The following ZNF480 variants were observed in gnomAD, a reference collection of about 807,000 sequenced individuals.
The protein encoded by ZNF480 is zinc finger protein 480.
In ZNF480, 15 loss-of-function variants were observed where a neutral mutation model predicts 14.4. The ratio of observed to expected loss-of-function variants is 1.04; its 90% CI spans 0.70 to 1.60. The LOEUF is 1.60. Among genes scored for constraint, ZNF480 ranks in the 40% most tolerant of loss-of-function variants. The probability of loss-of-function intolerance (pLI) is 0.00; values close to 1 mark genes in which losing one functional copy is unlikely to be tolerated. For synonymous variants in ZNF480, 218 were observed against 215.5 expected, an observed-to-expected ratio of 1.01 and a Z score of -0.10; for missense variants, 593 against 629.7, an observed-to-expected ratio of 0.94 and a Z score of 0.62.
chr19:52,322,412 C>T lies in ZNF480; in HGVS notation c.1162C>T (p.Gln388Ter). 1 of 1,613,690 alleles carries T rather than the reference C, an allele frequency of 6.2e-7. No homozygotes were observed. Among genetic ancestry groups the T allele is most frequent in the Non-Finnish European group, 8.5e-7 (1 of 1,179,942 alleles). Reference protein sequence around the residue: ...KVFIQNSHLAQHWRIHTGEKP... With the variant: ...KVFIQNSHLA ...CTTTATTCAAAATTCGCACCTAGCACAACATTGGAGAATTCATACAGGAGA... is the reference window on the plus strand; with the variant it reads ...CTTTATTCAAAATTCGCACCTAGCATAACATTGGAGAATTCATACAGGAGA... Residue 388 changes from glutamine (Q) to a stop codon, truncating the protein, a stop_gained, in exon 5 of 5, where the codon CAA (glutamine) becomes TAA (stop). Coordinates refer to ENST00000595962, the MANE Select transcript of ZNF480 (RefSeq NM_144684.4). LOFTEE classifies it low-confidence loss of function (END_TRUNC).
intron 2 of ZNF480, chr19:52,313,745 T>C: frequency 2.4e-6 from 1 of 418,350 alleles, no homozygotes; most frequent in South Asian, 1.7e-5. Flanking sequence ...ATCCCAGCAC[T>C]TAGGGAGGCT....
intron 2 of ZNF480, among the ~76,000 whole-genome samples, chr19:52,312,193 G>A (rs1983318400): frequency 6.6e-6 from 1 of 150,400 alleles, no homozygotes; most frequent in Admixed American, 6.6e-5. Context: ...TCACCAGGCT[G>A]GAGTGCAGTG....
At chr19:52,305,195 A>G (rs1285523505) in intron 2 of ZNF480, among the ~76,000 whole-genome samples, 1 of 152,208 alleles carries the variant, frequency 6.6e-6, no homozygotes, top group African/African-American at 2.4e-5. Context: ...CTGCTTTGAT[A>G]TACTTTAGGG....
intron 4 of ZNF480, among the ~76,000 whole-genome samples, chr19:52,320,956 G>T (rs534309873): frequency 9.2e-5 from 14 of 152,268 alleles, no homozygotes; most frequent in Admixed American, 7.8e-4. Context: ...CAGCCTGGAC[G>T]ATAGAGTGAG....
At chr19:52,308,730 C>G (rs969953942) in intron 2 of ZNF480, 1 of 152,034 alleles carries the variant, frequency 6.6e-6, no homozygotes, top group Non-Finnish European at 1.5e-5. Flanking sequence ...GACCGATTTT[C>G]CTTTGGGGAG....
intron 4 of ZNF480, among the ~76,000 whole-genome samples, chr19:52,320,989 A>G (rs1458500830): frequency 6.6e-6 from 1 of 152,120 alleles, no homozygotes; most frequent in Non-Finnish European, 1.5e-5. Context: ...ATAAATAAAT[A>G]AATAAATATT....
At chr19:52,303,481 C>G (rs538102039) in intron 2 of ZNF480, among the ~76,000 whole-genome samples, 147 of 152,264 alleles carry the variant, frequency 9.7e-4, no homozygotes, top group African/African-American at 3.5e-3. Context: ...TTCTCCCATT[C>G]CCTATCAGAG....
intron 2 of ZNF480, 150 bp from the exon 3 acceptor site, chr19:52,314,003 A>T: frequency 1.2e-6 from 1 of 866,216 alleles, no homozygotes; most frequent in Non-Finnish European, 1.7e-6. Flanking sequence ...AAACACATTT[A>T]CAGACACATA....
intron 2 of ZNF480, among the ~76,000 whole-genome samples, chr19:52,309,847 C>T (rs1983184320): frequency 1.3e-5 from 2 of 152,138 alleles, no homozygotes. Flanking sequence ...CTTCCTATTC[C>T]TCTGTCTTGC....
intron 4 of ZNF480, chr19:52,317,557 G>C (rs1274148850): frequency 2.0e-5 from 3 of 152,200 alleles, no homozygotes; most frequent in African/African-American, 7.2e-5. Context: ...TATTAGTAGA[G>C]ACAGGGTTTC....
intron 2 of ZNF480, among the ~76,000 whole-genome samples, chr19:52,311,310 C>T (rs1273465860): frequency 6.6e-6 from 1 of 151,636 alleles, no homozygotes; most frequent in Admixed American, 6.6e-5. Flanking sequence ...ATACTGAAAC[C>T]CCATCTCAAT....
chr19:52,323,104 CAG>C lies in ZNF480; in HGVS notation c.*248_*249del. 1 of 353,556 alleles carries C rather than the reference CAG, an allele frequency of 2.8e-6. No individual in the cohort carries two copies. The highest frequency in any genetic ancestry group is 4.2e-5 in the Admixed American group (1 of 23,660). The allele number at this position is 353,556 out of a possible 1,614,324, so 21.9% of individuals were successfully genotyped here. On this transcript the variant is annotated 3_prime_UTR_variant, in exon 5 of 5. Transcript: ENST00000595962. ...CAAAAGGAGATCTAAAAAACACAATCAGAAATGACAAAGGGGACATTACCACC... is the reference window on the plus strand; with the variant it reads ...CAAAAGGAGATCTAAAAAACACAATCAAATGACAAAGGGGACATTACCACC...
chr19:52,319,407 A>G (rs1174706263), intron 4 of ZNF480, among the ~76,000 whole-genome samples: 2 of 152,178 alleles, frequency 1.3e-5, no homozygotes, highest in Non-Finnish European at 2.9e-5. Context: ...ATGTCATCTC[A>G]CTGCCTTCTG....
At position 52,301,714 on chromosome 19, in the gene ZNF480, A is replaced by T. The variant is rs1440717886; in HGVS notation, c.72+1230A>T. 3.3e-5 allele frequency: 5 copies of T among 152,190 alleles called. No homozygotes were observed. In the East Asian group the frequency reaches 9.6e-4, roughly 29 times the overall value. The allele number at this position is 152,190 out of a possible 1,614,324, so 9.4% of individuals were successfully genotyped here. On this transcript the variant is annotated intron_variant, in intron 2 of 4. Coordinates refer to ENST00000595962, the MANE Select transcript of ZNF480 (RefSeq NM_144684.4). Reference sequence around the variant, plus strand: ...TCCAGCTACCGTGGCAGTAGCTGTGACAGCAATCAATCCCATAATGATTAA... The same window carrying T: ...TCCAGCTACCGTGGCAGTAGCTGTGTCAGCAATCAATCCCATAATGATTAA...
At chr19:52,300,328 G>A in intron 1 of ZNF480, 66 bp from the exon 2 acceptor site, 4 of 1,542,664 alleles carry the variant, frequency 2.6e-6, no homozygotes, top group Non-Finnish European at 3.6e-6. Context: ...ACCTGTGTGT[G>A]TGATTGTGGC....
rs1983933695 is a variant in ZNF480, at chr19:52,323,261, A to C, written c.*403A>C. On this transcript the variant is annotated 3_prime_UTR_variant, in exon 5 of 5. Transcript: ENST00000595962. ...CCCCCCAAGATTGAACCAAGAAGAA[A>C]TTGCATCCCTGAACAGACCAATAAT... The C allele has an allele frequency of 6.1e-6, 1 of 163,330 alleles. No individual in the cohort carries two copies. Among genetic ancestry groups the C allele is most frequent in the African/African-American group, 2.4e-5 (1 of 41,620 alleles). The allele number at this position is 163,330 out of a possible 1,614,324, so 10.1% of individuals were successfully genotyped here.
chr19:52,321,547 G>A lies in ZNF480; in HGVS notation c.329-32G>A, dbSNP rs759200760. 4 of 1,527,310 alleles carry A rather than the reference G, an allele frequency of 2.6e-6. No homozygotes were observed. In the East Asian group the frequency reaches 9.1e-5, roughly 35 times the overall value. 94.6% of individuals were successfully genotyped at this position (1,527,310 alleles called of 1,614,324 possible). On this transcript the variant is annotated intron_variant, in intron 4 of 4. Transcript: ENST00000595962. ...ACTCTAAACATGCCAGAATTATGGG[G>A]TCTGAATTTTACTTTTTTCTTGCTT...
Position 52,325,073 on chromosome 19 carries a change from AAAAC to A in ZNF480, c.*2218_*2221del, listed in dbSNP as rs1026349163. On this transcript the variant is annotated 3_prime_UTR_variant, in exon 5 of 5. Transcript: ENST00000595962. ...GAACTCAAACAAATCAACAATGAGA[AAAAC>A]AACCCCATTAAAAACTGGGCAAAGG... 1.9e-4 allele frequency: 29 copies of A among 152,338 alleles called. No homozygotes were observed. The highest frequency in any genetic ancestry group is 7.0e-4 in the African/African-American group (29 of 41,574). The allele number at this position is 152,338 out of a possible 1,614,324, so 9.4% of individuals were successfully genotyped here.
At position 52,323,045 on chromosome 19, in the gene ZNF480, TGTG is replaced by T; in HGVS notation, c.*189_*191del. 1 of 477,188 alleles carries T rather than the reference TGTG, an allele frequency of 2.1e-6. No individual in the cohort carries two copies. The highest frequency in any genetic ancestry group is 3.5e-6 in the Non-Finnish European group (1 of 286,476). 29.6% of individuals were successfully genotyped at this position (477,188 alleles called of 1,614,324 possible). On this transcript the variant is annotated 3_prime_UTR_variant, in exon 5 of 5. Coordinates refer to ENST00000595962, the MANE Select transcript of ZNF480 (RefSeq NM_144684.4). Reference sequence around the variant, plus strand: ...AGAGACTTCACAATTATAATAAATGTGTGGAAAAGTCTTCAAAAAAATTTCACA... The same window carrying T: ...AGAGACTTCACAATTATAATAAATGTGAAAAGTCTTCAAAAAAATTTCACA...
Sources: allele counts gnomAD v4.1 joint callset (sites outside exome capture counted in the v4.1 genomes callset), GRCh38; gene constraint gnomAD v4.1.1; transcripts MANE v1.5; gene names NCBI Gene and HGNC (gene_info 2026-07-23, HGNC 2026-07-21).